HDAC9: variants seen among roughly 807,000 people sequenced by gnomAD.
The protein encoded by HDAC9 is MEF-2 interacting transcription repressor (MITR) protein.
Under a neutral mutation model 139.4 loss-of-function variants are expected in HDAC9, and 41 were observed. That is an observed-to-expected ratio of 0.29 (90% CI 0.23 to 0.38). The LOEUF is 0.38. Among genes scored for constraint, HDAC9 ranks in the 10% least tolerant of loss-of-function variants. The probability of loss-of-function intolerance (pLI) is 1.00; values close to 1 mark genes in which losing one functional copy is unlikely to be tolerated. For missense variants in HDAC9, 1,147 were observed against 1,297.0 expected (o/e 0.88, Z 1.78); for synonymous variants, 517 against 476.2 (o/e 1.09, Z -1.12).
chr7:18,989,413 C>A (rs1057448431), intron 25 of HDAC9, among the ~76,000 whole-genome samples: 5 of 151,996 alleles, frequency 3.3e-5, no homozygotes, highest in African/African-American at 4.8e-5. Context: ...GAGTTTCTGC[C>A]AAGAGATCCG....
At chr7:18,547,854 T>TCCCTC (rs1563229923) in intron 2 of HDAC9, among the ~76,000 whole-genome samples, 1 of 129,360 alleles carries the variant, frequency 7.7e-6, no homozygotes, top group African/African-American at 3.2e-5. Flanking sequence ...CTTCCTTCCT[T>TCCCTC]CCTACCCTCC....
rs71014326 is a variant in HDAC9, at chr7:18,411,817, C to CTTT, written c.-41-84423_-41-84421dup. Among the ~76,000 whole-genome samples, 488 of 88,932 alleles carry CTTT rather than the reference C, an allele frequency of 5.5e-3. 10 individuals are homozygous for CTTT. Among genetic ancestry groups the CTTT allele is most frequent in the East Asian group, 7.6e-3 (19 of 2,506 alleles). The allele number at this position is 88,932 out of a possible 152,430, so 58.3% of individuals were successfully genotyped here. ...GTGTACTAAATGTAATTTCAACTTG[C>CTTT]TTTTTTTTTTTTTTTTTTTTTTTTA... On this transcript the variant is annotated intron_variant, in intron 1 of 3. Coordinates refer to the HDAC9 transcript ENST00000413509.
intron 14 of HDAC9, among the ~76,000 whole-genome samples, chr7:18,756,775 A>G (rs1054014168): frequency 6.6e-6 from 1 of 152,198 alleles, no homozygotes; most frequent in Admixed American, 6.5e-5. Context: ...AAGGCTCCCA[A>G]CTTGCAATTC....
At chr7:18,905,888 C>T (rs12700013) in intron 22 of HDAC9, among the ~76,000 whole-genome samples, 113,157 of 145,612 alleles carry the variant, frequency 0.78, 44,214 homozygotes, top group East Asian at 0.89. Flanking sequence ...TTCCTTCTTT[C>T]CTTTCTTTTC....
At chr7:18,227,756 G>C (rs1004146313) in intron 2 of HDAC9, among the ~76,000 whole-genome samples, 2 of 151,896 alleles carry the variant, frequency 1.3e-5, no homozygotes, top group Non-Finnish European at 2.9e-5. Context: ...TACTATTTTT[G>C]TACCTTTTGT....
chr7:18,345,554 T>G (rs1390908417), intron 1 of HDAC9, among the ~76,000 whole-genome samples: 1 of 148,462 alleles, frequency 6.7e-6, no homozygotes, highest in African/African-American at 2.5e-5. Flanking sequence ...TTTGTTCCCT[T>G]TATTATTCAA....
At chr7:18,422,744 G>GCGCA (rs1426974833) in intron 1 of HDAC9, among the ~76,000 whole-genome samples, 31 of 26,336 alleles carry the variant, frequency 1.2e-3, no homozygotes, top group African/African-American at 1.9e-3. Context: ...ACACACACGC[G>GCGCA]CACACACACA....
chr7:18,111,110 G>A (rs1783589275), intron 1 of HDAC9, among the ~76,000 whole-genome samples: 1 of 152,226 alleles, frequency 6.6e-6, no homozygotes, highest in Non-Finnish European at 1.5e-5. Flanking sequence ...GGCAAGAAAA[G>A]AGTCAGAATG....
intron 12 of HDAC9, among the ~76,000 whole-genome samples, chr7:18,718,405 T>G (rs1784873532): frequency 1.3e-5 from 2 of 151,826 alleles, no homozygotes; most frequent in Admixed American, 1.3e-4. Flanking sequence ...CTAATTTTTT[T>G]GCATTTTAGT....
At chr7:18,926,557 T>C (rs999268633) in intron 22 of HDAC9, among the ~76,000 whole-genome samples, 10 of 152,182 alleles carry the variant, frequency 6.6e-5, no homozygotes, top group African/African-American at 1.9e-4. Context: ...ATCAGAATTA[T>C]GTATAAAACT....
chr7:18,622,791 G>A (rs79296368), intron 6 of HDAC9, among the ~76,000 whole-genome samples: 4,006 of 151,896 alleles, frequency 0.026, 179 homozygotes, highest in African/African-American at 0.091. Flanking sequence ...CACACAATGT[G>A]GTATTGAAAT....
intron 2 of HDAC9, among the ~76,000 whole-genome samples, chr7:18,178,151 T>A (rs1352863621): frequency 6.7e-6 from 1 of 148,852 alleles, no homozygotes; most frequent in Non-Finnish European, 1.5e-5. Flanking sequence ...TGGCACAATC[T>A]TGGCTTACTG....
At chr7:18,836,403 G>C (rs1266894147) in intron 21 of HDAC9, among the ~76,000 whole-genome samples, 1 of 152,058 alleles carries the variant, frequency 6.6e-6, no homozygotes, top group Non-Finnish European at 1.5e-5. Flanking sequence ...TTTTTACATA[G>C]CACCATTTAG....
chr7:18,988,623 A>G (rs980307120), intron 25 of HDAC9, among the ~76,000 whole-genome samples: 1 of 151,934 alleles, frequency 6.6e-6, no homozygotes, highest in Admixed American at 6.6e-5. Context: ...ATCCTTGTTT[A>G]CTTTCTGTCT....
At chr7:18,279,038 T>C (rs1369793574) in intron 2 of HDAC9, among the ~76,000 whole-genome samples, 2 of 152,174 alleles carry the variant, frequency 1.3e-5, no homozygotes, top group South Asian at 2.1e-4. Flanking sequence ...TAGAAAGATA[T>C]CGGACCAATC....
intron 1 of HDAC9, among the ~76,000 whole-genome samples, chr7:18,107,656 A>C (rs113620778): frequency 4.0e-5 from 6 of 151,102 alleles, no homozygotes; most frequent in African/African-American, 1.4e-4. Context: ...TTAAGGCCTA[A>C]AGTGGATTTT....
chr7:18,362,300 A>G (rs1238295932), intron 1 of HDAC9, among the ~76,000 whole-genome samples: 1 of 152,190 alleles, frequency 6.6e-6, no homozygotes, highest in African/African-American at 2.4e-5. Context: ...ATGTGTTGCA[A>G]ACCTAATTTC....
chr7:18,802,262 T>C (rs1430973087), intron 17 of HDAC9, among the ~76,000 whole-genome samples: 3 of 151,972 alleles, frequency 2.0e-5, no homozygotes, highest in Non-Finnish European at 4.4e-5. Flanking sequence ...TATCTCCTTT[T>C]TTGAGCCATT....
chr7:18,580,737 G>A (rs1462996975), intron 2 of HDAC9, among the ~76,000 whole-genome samples: 1 of 152,154 alleles, frequency 6.6e-6, no homozygotes, highest in East Asian at 1.9e-4. Context: ...GAACAGAGAT[G>A]ATTCTATTTA....
Sources: gnomAD v4.1 joint callset for allele counts (sites outside exome capture counted in the v4.1 genomes callset) on GRCh38, gnomAD v4.1.1 for gene constraint, MANE v1.5 for transcripts, NCBI Gene and HGNC (gene_info 2026-07-23, HGNC 2026-07-21) for gene names.